Variants in FUBP3 observed in about 807,000 individuals in gnomAD.
FUBP3 encodes the protein far upstream element binding protein 3.
In FUBP3, 28 loss-of-function variants were observed where a neutral mutation model predicts 85.6. The ratio of observed to expected loss-of-function variants is 0.33; its 90% confidence interval spans 0.24 to 0.45. The LOEUF is 0.45. Ranked by LOEUF, FUBP3 falls within the 20% of genes least tolerant of loss-of-function variation. The pLI, the probability that FUBP3 is intolerant of heterozygous loss-of-function variation, is 1.00. For synonymous variants in FUBP3, 271 were observed against 271.4 expected (o/e 1.00, Z 0.01); for missense variants, 583 against 755.1 (o/e 0.77, Z 2.67).
chr9:130,636,896 C>T, intron 18 of FUBP3, 118 bp from the exon 19 acceptor site: 1 of 859,608 alleles, frequency 1.2e-6, no homozygotes, highest in South Asian at 1.3e-5. Flanking sequence ...CCCAAGACCT[C>T]TTCAGCAGAG....
chr9:130,623,991 G>T (rs561638375), intron 11 of FUBP3, among the ~76,000 whole-genome samples: 2 of 151,830 alleles, frequency 1.3e-5, no homozygotes, highest in Admixed American at 1.3e-4. Context: ...GAGATTGGTC[G>T]CCAAGTTTCA....
In FUBP3 at chr9:130,616,546, CGGCCGCTCGCAGCA is replaced by C; in HGVS notation, c.567+32_567+45del. 6.2e-7 allele frequency: 1 copy of C among 1,608,494 alleles called. No individual in the cohort carries two copies. On this transcript the variant is annotated intron_variant, in intron 7 of 18. Transcript: ENST00000319725. The surrounding 1 kb of genome is among the most constrained non-coding windows in gnomAD (Gnocchi z 4.7). ...TGTGAGCCCGGAGCACGGAGCACAG[CGGCCGCTCGCAGCA>C]GGTCTTCAGCTTCCTGGCCCAGGAG...
Position 130,623,896 on chromosome 9 carries a change from T to A in FUBP3, c.975+185T>A, listed in dbSNP as rs143033281. On this transcript the variant is annotated intron_variant, in intron 11 of 18. Transcript: ENST00000319725. ...TTGGTATTTTTTTCTGCTCATTAAT[T>A]ATTCTGCCTTTATTTACCTCACCAT... Among the ~76,000 whole-genome samples the A allele has an allele frequency of 5.3e-3, 804 of 152,334 alleles. 10 individuals carry two copies. The highest frequency in any genetic ancestry group is 0.019 in the African/African-American group (788 of 41,572).
chr9:130,590,823 A>G (rs1830591300), intron 1 of FUBP3, among the ~76,000 whole-genome samples: 1 of 152,124 alleles, frequency 6.6e-6, no homozygotes, highest in Admixed American at 6.6e-5. Context: ...AGTCTTGAAA[A>G]TGTGCACTGA....
chr9:130,615,299 A>C (rs1831945399), intron 6 of FUBP3, among the ~76,000 whole-genome samples: 1 of 152,230 alleles, frequency 6.6e-6, no homozygotes, highest in Non-Finnish European at 1.5e-5. Context: ...GATTCTGTAC[A>C]CAAAGGCTCA....
intron 11 of FUBP3, among the ~76,000 whole-genome samples, chr9:130,625,010 AGGAGTTCAAGACCAACAT>A (rs1829913057): frequency 6.6e-6 from 1 of 152,196 alleles, no homozygotes. Context: ...ACCTGAGGTC[AGGAGTTCAAGACCAACAT>A]GGTGAGACCC....
At chr9:130,625,996 A>C (rs949267361) in intron 11 of FUBP3, among the ~76,000 whole-genome samples, 1 of 152,138 alleles carries the variant, frequency 6.6e-6, no homozygotes, top group Non-Finnish European at 1.5e-5. Context: ...CGCAGGAAAG[A>C]GGGGCCTCAG....
At chr9:130,611,376 A>G (rs1403138961) in intron 3 of FUBP3, among the ~76,000 whole-genome samples, 1 of 152,158 alleles carries the variant, frequency 6.6e-6, no homozygotes, top group African/African-American at 2.4e-5. Flanking sequence ...CTGATTAGGA[A>G]GCTGGGAATG....
intron 2 of FUBP3, among the ~76,000 whole-genome samples, chr9:130,596,125 C>G (rs925597251): frequency 6.6e-6 from 1 of 152,186 alleles, no homozygotes; most frequent in Non-Finnish European, 1.5e-5. Flanking sequence ...ATATACCCTA[C>G]TCCATCCCAA....
At chr9:130,595,703 A>C in intron 2 of FUBP3, 115 bp downstream of exon 2, 1 of 730,160 alleles carries the variant, frequency 1.4e-6, no homozygotes, top group South Asian at 1.5e-5. Context: ...TTGAGAAGAA[A>C]GGTTGAAGGG....
At chr9:130,636,242 C>T (rs763015501) in intron 18 of FUBP3, 116 bp downstream of exon 18, 62 of 1,037,630 alleles carry the variant, frequency 6.0e-5, no homozygotes, top group South Asian at 4.1e-4. Context: ...AACCTCTGGG[C>T]GCCATAGCTC....
At chr9:130,631,225 ACC>A in intron 13 of FUBP3, 1 of 1,247,056 alleles carries the variant, frequency 8.0e-7, no homozygotes, top group Non-Finnish European at 1.0e-6. Context: ...GCCACTGCTC[ACC>A]TCAATGGGGA....
rs1256929662 is a variant in FUBP3 at position 130,610,335 on chromosome 9, C to T, written c.224+348C>T. ...ATTTTATTAATCCTTAACCCCTTCA[C>T]CTGAGAAGAGACACCTCGAAGTGTG... On this transcript the variant is annotated intron_variant, in intron 3 of 18. Coordinates refer to ENST00000319725, the MANE Select transcript of FUBP3 (RefSeq NM_003934.2). Among the ~76,000 whole-genome samples the T allele has an allele frequency of 2.6e-5, 4 of 152,302 alleles. No homozygotes were observed. In the East Asian group the frequency reaches 7.7e-4, roughly 29 times the overall value.
rs369246339 is a variant in FUBP3, at chr9:130,636,140, C to G, written c.1710+14C>G. 9.9e-6 allele frequency: 16 copies of G among 1,611,420 alleles called. No individual in the cohort carries two copies. The highest frequency in any genetic ancestry group is 1.2e-5 in the Non-Finnish European group (14 of 1,178,658). On this transcript the variant is annotated intron_variant, in intron 18 of 18. Transcript: ENST00000319725. ...GCCCACAGCCAGGTCTGTAGCTGATCACCAGCACCGCTGCCACTCCCTAGC... is the reference window on the plus strand; with the variant it reads ...GCCCACAGCCAGGTCTGTAGCTGATGACCAGCACCGCTGCCACTCCCTAGC...
At chr9:130,603,220 A>G (rs1443236072) in intron 2 of FUBP3, among the ~76,000 whole-genome samples, 1 of 151,824 alleles carries the variant, frequency 6.6e-6, no homozygotes, top group Non-Finnish European at 1.5e-5. Flanking sequence ...GGTGGCGTGC[A>G]CCTGTAGTCC....
chr9:130,606,558 C>G (rs149569934), intron 2 of FUBP3, among the ~76,000 whole-genome samples: 2 of 152,064 alleles, frequency 1.3e-5, no homozygotes, highest in Non-Finnish European at 2.9e-5. Flanking sequence ...CGGTGGCTCA[C>G]GCCTGTAATC....
chr9:130,608,919 C>G (rs1831598912), intron 2 of FUBP3, among the ~76,000 whole-genome samples: 2 of 152,178 alleles, frequency 1.3e-5, no homozygotes, highest in Admixed American at 6.5e-5. Flanking sequence ...TGTTCTGATT[C>G]AGATGGAGTT....
chr9:130,597,617 G>A (rs990120980), intron 2 of FUBP3, among the ~76,000 whole-genome samples: 6 of 152,158 alleles, frequency 3.9e-5, no homozygotes, highest in Non-Finnish European at 8.8e-5. Context: ...TCTTAAGAGA[G>A]TGGCCCAGTG....
chr9:130,632,572 G>A (rs548692656), intron 16 of FUBP3, among the ~76,000 whole-genome samples: 7 of 152,218 alleles, frequency 4.6e-5, no homozygotes, highest in East Asian at 1.9e-4. Flanking sequence ...TGTCACTTTC[G>A]TTCCCTATGC....
Sources: gnomAD v4.1 joint callset for allele counts (sites outside exome capture counted in the v4.1 genomes callset) on GRCh38, gnomAD v4.1.1 for gene constraint, Gnocchi (gnomAD v3.1) non-coding constraint, MANE v1.5 for transcripts, NCBI Gene and HGNC (gene_info 2026-07-23, HGNC 2026-07-21) for gene names.